TNNT2: variants seen among roughly 807,000 people sequenced by gnomAD.
TNNT2 encodes troponin T2, cardiac type.
In TNNT2, 34 loss-of-function variants were observed where a neutral mutation model predicts 62.4. That is an observed-to-expected ratio of 0.54 (90% CI 0.41 to 0.72). TNNT2 has a LOEUF of 0.72. TNNT2 is among the 30% of genes least tolerant of loss of function. The pLI is 0.00. For missense variants in TNNT2, 275 were observed against 381.9 expected (o/e 0.72, Z 2.33); for synonymous variants, 123 against 127.2 (o/e 0.97, Z 0.22).
At chr1:201,373,833 G>C (rs1023528933) in intron 1 of TNNT2, 1 of 185,692 alleles carries the variant, frequency 5.4e-6, no homozygotes, top group Admixed American at 5.3e-5. Flanking sequence ...TCAGCCTCTC[G>C]AAGTGCTGAG....
intron 1 of TNNT2, among the ~76,000 whole-genome samples, chr1:201,376,846 G>A (rs1041864392): frequency 1.3e-5 from 2 of 152,194 alleles, no homozygotes; most frequent in African/African-American, 2.4e-5. Flanking sequence ...TTACACTTAC[G>A]GGGGCCCAGG....
intron 15 of TNNT2, 22 bp downstream of exon 15, chr1:201,361,257 C>T (rs577402700): frequency 2.7e-5 from 43 of 1,610,786 alleles, no homozygotes; most frequent in Middle Eastern, 3.3e-4. Context: ...AGATGCTGGG[C>T]GGGGACAGCA....
chr1:201,373,296 G>A (rs1490413344), intron 1 of TNNT2, 28 bp from the exon 2 acceptor site: 3 of 1,607,820 alleles, frequency 1.9e-6, no homozygotes, highest in South Asian at 1.1e-5. Flanking sequence ...AGTCAGTGCA[G>A]GTACAAAGGG....
At chr1:201,365,844 C>A in intron 8 of TNNT2, 174 bp from the exon 9 acceptor site, 3 of 1,503,806 alleles carry the variant, frequency 2.0e-6, no homozygotes, top group Non-Finnish European at 2.7e-6. Flanking sequence ...CCTTGCTCAG[C>A]ACCTGGGAAT....
At chr1:201,369,555 G>A (rs1165345366) in intron 5 of TNNT2, among the ~76,000 whole-genome samples, 2 of 152,308 alleles carry the variant, frequency 1.3e-5, no homozygotes, top group South Asian at 2.1e-4. Flanking sequence ...AGACCAGCTA[G>A]CCTTGGTCCC....
intron 4 of TNNT2, among the ~76,000 whole-genome samples, chr1:201,370,747 G>C (rs1034278822): frequency 3.9e-5 from 6 of 152,210 alleles, no homozygotes; most frequent in Admixed American, 6.5e-5. Context: ...AAATTCTACT[G>C]TGTGTGGCAG....
At chr1:201,362,574 G>A (rs768174438) in intron 12 of TNNT2, among the ~76,000 whole-genome samples, 180 bp from the exon 13 acceptor site, 9 of 152,144 alleles carry the variant, frequency 5.9e-5, no homozygotes, top group Admixed American at 4.6e-4. Flanking sequence ...GGGGCTGTTC[G>A]GTAGCATGAA....
intron 4 of TNNT2, among the ~76,000 whole-genome samples, chr1:201,371,665 T>C (rs1176480324): frequency 6.6e-6 from 1 of 151,994 alleles, no homozygotes; most frequent in Non-Finnish European, 1.5e-5. Flanking sequence ...CCTAAGATGA[T>C]GATTGTTGAA....
At position 201,367,763 on chromosome 1, in the gene TNNT2, A is replaced by G; in HGVS notation, c.199+8T>C. ...GCCTCCCTTGTACCTCTCTCCTGAT[A>G]TCCTTACCTTCAGCCTCCTTTGCTT... On this transcript the variant is annotated splice_region_variant and intron_variant, in intron 7 of 16. Transcript: ENST00000656932. 1 of 1,614,092 alleles carries G rather than the reference A, an allele frequency of 6.2e-7. No homozygotes were observed. Among genetic ancestry groups the G allele is most frequent in the Non-Finnish European group, 8.5e-7 (1 of 1,180,016 alleles).
intron 11 of TNNT2, chr1:201,363,713 G>A (rs549885986): frequency 2.8e-4 from 119 of 427,222 alleles, no homozygotes; most frequent in African/African-American, 1.1e-3. Context: ...AGAGAGCTAC[G>A]GGGCCTTCGG....
intron 7 of TNNT2, 54 bp downstream of exon 7, chr1:201,367,717 G>T: frequency 3.1e-6 from 5 of 1,591,804 alleles, no homozygotes; most frequent in Admixed American, 1.7e-5. Context: ...CTCCTCCAAA[G>T]CTGCTGTGAG....
intron 15 of TNNT2, chr1:201,361,025 C>A: frequency 1.8e-6 from 1 of 547,434 alleles, no homozygotes; most frequent in Non-Finnish European, 3.3e-6. Context: ...GTTGGAGACC[C>A]CCAGGGTTGG....
rs1658604192 is a variant in TNNT2 at position 201,361,384 on chromosome 1, G to A, written c.720-15C>T. The A allele has an allele frequency of 2.5e-6, 4 of 1,611,616 alleles. No individual in the cohort carries two copies. In the South Asian group the frequency reaches 3.3e-5, roughly 13 times the overall value. On this transcript the variant is annotated splice_polypyrimidine_tract_variant and intron_variant, in intron 14 of 16. Coordinates refer to ENST00000656932, the MANE Select transcript of TNNT2 (RefSeq NM_001276345.2). ...TGGCCTTCTCCCTGCACGGGCAAGG[G>A]TGAGAATGGGGAGGTCCAGTAAGAA...
chr1:201,361,622 T>G (rs1234077794), intron 14 of TNNT2, among the ~76,000 whole-genome samples: 1 of 152,228 alleles, frequency 6.6e-6, no homozygotes, highest in Non-Finnish European at 1.5e-5. Context: ...GAAGCCCTTC[T>G]GGCGCAGGAG....
Position 201,359,573 on chromosome 1 carries a change from G to A in TNNT2, c.851+50C>T, listed in dbSNP as rs768313123. On this transcript the variant is annotated intron_variant, in intron 16 of 16. Transcript: ENST00000656932. ...AGGAATGGGATAGCTGGAAGGTAGG[G>A]AAGGAGGGGGCAGGGGGAGGGCTAG... 8.4e-6 allele frequency: 13 copies of A among 1,549,844 alleles called. No individual in the cohort carries two copies. The East Asian group carries it at 2.8e-4, about 33-fold the overall frequency.
chr1:201,373,151 G>T (rs761237319), intron 2 of TNNT2, 63 bp downstream of exon 2: 1 of 1,531,700 alleles, frequency 6.5e-7, no homozygotes, highest in Non-Finnish European at 9.0e-7. Context: ...GAGGCTCCTG[G>T]ACCAGGTGTC....
At chr1:201,372,943 T>C (rs972609704) in intron 2 of TNNT2, 10 of 623,392 alleles carry the variant, frequency 1.6e-5, no homozygotes, top group East Asian at 9.6e-5. Flanking sequence ...TCTCTGTTCA[T>C]GGCCCCTAGC....
chr1:201,372,548 C>T (rs1248447334), intron 2 of TNNT2, among the ~76,000 whole-genome samples: 1 of 152,230 alleles, frequency 6.6e-6, no homozygotes, highest in Non-Finnish European at 1.5e-5. Flanking sequence ...ACTATTCCAG[C>T]CCCTGATCTC....
intron 11 of TNNT2, 186 bp from the exon 12 acceptor site, chr1:201,363,592 G>A (rs1019594263): frequency 5.1e-5 from 31 of 604,058 alleles, no homozygotes; most frequent in Non-Finnish European, 8.9e-5. Flanking sequence ...AAATGACTGC[G>A]TGATTGAATG....
Sources: gnomAD v4.1 joint callset for allele counts (sites outside exome capture counted in the v4.1 genomes callset) on GRCh38, gnomAD v4.1.1 for gene constraint, MANE v1.5 for transcripts, NCBI Gene and HGNC (gene_info 2026-07-23, HGNC 2026-07-21) for gene names.